Variants in EIF2B5 observed in about 807,000 individuals in gnomAD.
The protein encoded by EIF2B5 is eukaryotic translation initiation factor 2B subunit epsilon, also known as translation initiation factor eIF2B subunit epsilon.
In EIF2B5, 38 loss-of-function variants were observed where a neutral mutation model predicts 87.3. The observed-to-expected ratio is 0.44, with a 90% CI of 0.34 to 0.57. EIF2B5 has a LOEUF of 0.57. EIF2B5 is among the 20% of genes least tolerant of loss of function. The probability of loss-of-function intolerance (pLI) is 0.02; values close to 1 mark genes in which losing one functional copy is unlikely to be tolerated. For synonymous variants in EIF2B5, 313 were observed against 339.6 expected (o/e 0.92, Z 0.86); for missense variants, 784 against 909.5 (o/e 0.86, Z 1.78).
At chr3:184,139,680 G>C (rs1713532752) in intron 5 of EIF2B5, among the ~76,000 whole-genome samples, 1 of 151,546 alleles carries the variant, frequency 6.6e-6, no homozygotes, top group African/African-American at 2.4e-5. Flanking sequence ...GCTGTCATAG[G>C]GTTTGCTAGG....
chr3:184,142,446 C>T lies in EIF2B5; in HGVS notation c.1445-56C>T, dbSNP rs1713681034. 6.2e-7 allele frequency: 1 copy of T among 1,614,152 alleles called. No individual in the cohort carries two copies. Among genetic ancestry groups the T allele is most frequent in the Non-Finnish European group, 8.5e-7 (1 of 1,180,024 alleles). On this transcript the variant is annotated intron_variant, in intron 9 of 15. Coordinates refer to ENST00000648915, the MANE Select transcript of EIF2B5 (RefSeq NM_003907.3). This position sits in a 1 kb window ranked among gnomAD's most constrained non-coding sequence, Gnocchi z 5.0. ...CCTCATAGAAGAACCAGTGTTTCCT[C>T]CTGGAGGGATTGGTGCTTCCGCCGG...
rs1030566286 is a variant in EIF2B5 at position 184,137,660 on chromosome 3, C to T, written c.361C>T (p.Arg121Ter). 3 of 1,614,150 alleles carry T rather than the reference C, an allele frequency of 1.9e-6. No homozygotes were observed. The highest frequency in any genetic ancestry group is 2.5e-6 in the Non-Finnish European group (3 of 1,180,036). ...WCRPTSLNVVRIITSELYRSL... is the reference protein window; with the variant it reads ...WCRPTSLNVV ...CCGCCCTACATCTCTCAATGTGGTTCGAATAATTACATCAGAGCTCTATCG... is the reference window on the plus strand; with the variant it reads ...CCGCCCTACATCTCTCAATGTGGTTTGAATAATTACATCAGAGCTCTATCG... The change falls in exon 3 of 16, where the codon CGA becomes TGA. Residue 121 changes from arginine to a stop codon, truncating the protein, a stop_gained. Coordinates refer to ENST00000648915, the MANE Select transcript of EIF2B5 (RefSeq NM_003907.3). LOFTEE classifies it high-confidence loss of function.
chr3:184,136,579 A>G, intron 1 of EIF2B5, 33 bp from the exon 2 acceptor site: 2 of 1,613,590 alleles, frequency 1.2e-6, no homozygotes, highest in Non-Finnish European at 1.7e-6. Flanking sequence ...GGGATTCGAG[A>G]CCTCAAGTTT....
At position 184,142,226 on chromosome 3, in the gene EIF2B5, T is replaced by A; in HGVS notation, c.1303-11T>A. Reference sequence around the variant, plus strand: ...CACACCCTAATGGTTCTGTGTTTTTTTTCCCCTTAGGTGGTCGTGGGCCCA... The same window carrying A: ...CACACCCTAATGGTTCTGTGTTTTTATTCCCCTTAGGTGGTCGTGGGCCCA... On this transcript the variant is annotated splice_polypyrimidine_tract_variant and intron_variant, in intron 8 of 15. Transcript: ENST00000648915. This position sits in a 1 kb window ranked among gnomAD's most constrained non-coding sequence, Gnocchi z 5.0. The A allele has an allele frequency of 1.2e-6, 2 of 1,614,168 alleles. No individual in the cohort carries two copies. The highest frequency in any genetic ancestry group is 1.7e-6 in the Non-Finnish European group (2 of 1,180,030).
Position 184,142,058 on chromosome 3 carries a change from C to T in EIF2B5, c.1290C>T (p.Val430=). 6.2e-7 allele frequency: 1 copy of T among 1,614,160 alleles called. No individual in the cohort carries two copies. The highest frequency in any genetic ancestry group is 8.5e-7 in the Non-Finnish European group (1 of 1,180,046). ...KERVTLKPRS[V]LTSQVVVGPN... is the part of the protein sequence containing the mutation. ...GAGTGACACTGAAACCACGCTCTGT[C>T]CTCACTTCCCAGGTGAGACCTGATC... The change falls in exon 8 of 16, where the codon GTC becomes GTT. Residue 430 remains valine (V), a synonymous_variant. Transcript: ENST00000648915. This position sits in a 1 kb window ranked among gnomAD's most constrained non-coding sequence, Gnocchi z 5.0.
rs764711355 is a variant in EIF2B5 at position 184,140,377 on chromosome 3, G to T, written c.844-41G>T. ...AGTTGTACTTGGGGGCATTCTTCCTGTCTTTCTTGCTTAGGTGACCTCCCT... is the reference window on the plus strand; with the variant it reads ...AGTTGTACTTGGGGGCATTCTTCCTTTCTTTCTTGCTTAGGTGACCTCCCT... On this transcript the variant is annotated intron_variant, in intron 6 of 15. Transcript: ENST00000648915. 9 of 1,608,086 alleles carry T rather than the reference G, an allele frequency of 5.6e-6. No homozygotes were observed. In the Admixed American group the frequency reaches 1.5e-4, roughly 27 times the overall value.
intron 1 of EIF2B5, among the ~76,000 whole-genome samples, chr3:184,136,257 G>C (rs1255504408): frequency 6.6e-6 from 1 of 152,206 alleles, no homozygotes; most frequent in Non-Finnish European, 1.5e-5. Context: ...ACTTAGAAAG[G>C]GATCAAGGAA....
At chr3:184,137,209 A>G (rs1160873795) in intron 2 of EIF2B5, 4 of 351,492 alleles carry the variant, frequency 1.1e-5, no homozygotes, top group Non-Finnish European at 2.1e-5. Flanking sequence ...CGCATTGCTT[A>G]TGGAAGTCCA....
chr3:184,143,820 C>G (rs1486692108), intron 13 of EIF2B5: 16 of 674,932 alleles, frequency 2.4e-5, no homozygotes, highest in Non-Finnish European at 3.5e-5. Context: ...CCTGGACATT[C>G]AGACTCTATG....
chr3:184,140,785 G>C (rs552082113), intron 7 of EIF2B5, 55 bp downstream of exon 7: 1 of 1,596,282 alleles, frequency 6.3e-7, no homozygotes, highest in South Asian at 1.1e-5. Context: ...ACCTGGGGGG[G>C]CCACGTCTCC....
Position 184,142,158 on chromosome 3 carries a change from T to C in EIF2B5, c.1303-79T>C. Reference sequence around the variant, plus strand: ...GGGGCATTATTTCCACCCATAATCCTGTCTAAAAAAGTTGCTCTCATTATC... The same window carrying C: ...GGGGCATTATTTCCACCCATAATCCCGTCTAAAAAAGTTGCTCTCATTATC... On this transcript the variant is annotated intron_variant, in intron 8 of 15. Transcript: ENST00000648915. The surrounding 1 kb of genome is among the most constrained non-coding windows in gnomAD (Gnocchi z 5.0). 6.2e-7 allele frequency: 1 copy of C among 1,614,024 alleles called. No individual in the cohort carries two copies. The highest frequency in any genetic ancestry group is 1.7e-4 in the Middle Eastern group (1 of 6,060).
chr3:184,142,715 C>A lies in EIF2B5; in HGVS notation c.1547-64C>A. On this transcript the variant is annotated intron_variant, in intron 10 of 15. Coordinates refer to ENST00000648915, the MANE Select transcript of EIF2B5 (RefSeq NM_003907.3). The surrounding 1 kb of genome is among the most constrained non-coding windows in gnomAD (Gnocchi z 5.0). ...CACTCCTTTATTCAGGCAGACAGGG[C>A]AGGTATATTGCTCTCTGTCAATGAC... The A allele has an allele frequency of 6.4e-7, 1 of 1,550,952 alleles. No homozygotes were observed.
chr3:184,136,957 G>T (rs1713389575), intron 2 of EIF2B5: 5 of 612,576 alleles, frequency 8.2e-6, no homozygotes, highest in Admixed American at 6.4e-5. Context: ...ATAAACTTGG[G>T]TTTTTTCTGA....
intron 2 of EIF2B5, chr3:184,136,990 C>T: frequency 2.0e-6 from 1 of 503,220 alleles, no homozygotes; most frequent in South Asian, 2.1e-5. Flanking sequence ...AGTTTGGTGC[C>T]AGTGGACTTT....
chr3:184,142,895 C>G lies in EIF2B5; in HGVS notation c.1654+9C>G. On this transcript the variant is annotated intron_variant, in intron 11 of 15. Transcript: ENST00000648915. This position sits in a 1 kb window ranked among gnomAD's most constrained non-coding sequence, Gnocchi z 5.0. ...GATGGATGACATCAAAGGTGAGTGGCAGGGGAGAAATGCGCTGGACCAGTT... is the reference window on the plus strand; with the variant it reads ...GATGGATGACATCAAAGGTGAGTGGGAGGGGAGAAATGCGCTGGACCAGTT... The G allele has an allele frequency of 6.2e-7, 1 of 1,609,934 alleles. No individual in the cohort carries two copies. The highest frequency in any genetic ancestry group is 8.5e-7 in the Non-Finnish European group (1 of 1,177,280).
At chr3:184,136,902 C>T in intron 2 of EIF2B5, 166 bp downstream of exon 2, 1 of 948,350 alleles carries the variant, frequency 1.1e-6, no homozygotes, top group African/African-American at 1.6e-5. Context: ...GCAGCTGAAA[C>T]TTTGTATCTG....
chr3:184,141,219 T>G (rs1467711342), intron 7 of EIF2B5, among the ~76,000 whole-genome samples: 1 of 152,184 alleles, frequency 6.6e-6, no homozygotes, highest in Non-Finnish European at 1.5e-5. Context: ...TCATTTTGGT[T>G]GCAGGAGTGT....
chr3:184,143,762 C>A (rs1577035738), intron 13 of EIF2B5, 197 bp downstream of exon 13: 1 of 786,356 alleles, frequency 1.3e-6, no homozygotes, highest in East Asian at 2.7e-5. Flanking sequence ...CTTTGAGACT[C>A]CAGGATTTCA....
At chr3:184,139,281 T>TC (rs1713510676) in intron 5 of EIF2B5, among the ~76,000 whole-genome samples, 1 of 133,852 alleles carries the variant, frequency 7.5e-6, no homozygotes, top group Non-Finnish European at 1.6e-5. Context: ...TTTTTTTTTT[T>TC]TTTTTTTTTT....
Sources: gnomAD v4.1 joint callset for allele counts (sites outside exome capture counted in the v4.1 genomes callset) on GRCh38, gnomAD v4.1.1 for gene constraint, Gnocchi (gnomAD v3.1) non-coding constraint, MANE v1.5 for transcripts, NCBI Gene and HGNC (gene_info 2026-07-23, HGNC 2026-07-21) for gene names.